The following KDM4C variants were observed in gnomAD, a reference collection of about 807,000 sequenced individuals.
The protein encoded by KDM4C is lysine demethylase 4C, also known as lysine-specific demethylase 4C.
In KDM4C, 81 loss-of-function variants were observed where a neutral mutation model predicts 129.3. The ratio of observed to expected loss-of-function variants is 0.63; its 90% CI spans 0.52 to 0.75. KDM4C has a LOEUF of 0.75. Among genes scored for constraint, KDM4C ranks in the 30% least tolerant of loss-of-function variants. The probability of loss-of-function intolerance (pLI) is 0.00; values close to 1 mark genes in which losing one functional copy is unlikely to be tolerated. For missense variants in KDM4C, 1,457 were observed against 1,304.0 expected (o/e 1.12, Z -1.81); for synonymous variants, 573 against 456.1 (o/e 1.26, Z -3.26).
intron 8 of KDM4C, among the ~76,000 whole-genome samples, chr9:6,942,910 C>A (rs35433789): frequency 0.3 from 46,056 of 152,024 alleles, 7,989 homozygotes; most frequent in East Asian, 0.57. Context: ...TCTGTCACCT[C>A]GGCTGAGTGC....
At position 7,011,780 on chromosome 9, in the gene KDM4C, G is replaced by A. The variant is rs373439974; in HGVS notation, c.1869G>A (p.Thr623=). 1.9e-5 allele frequency: 31 copies of A among 1,614,082 alleles called. No homozygotes were observed. Among genetic ancestry groups the A allele is most frequent in the Non-Finnish European group, 2.6e-5 (31 of 1,179,988 alleles). The change falls in exon 13 of 22, where the codon ACG becomes ACA. Residue 623 remains threonine, a synonymous_variant. Coordinates refer to ENST00000381309, the MANE Select transcript of KDM4C (RefSeq NM_015061.6). The stretch of plus-strand genomic sequence containing the variant: ...AACCTCTCATCCACCTTTGGCAGAC[G>A]AAGTCCCCTAACTTCGCAGCTGAGC... ...WAKPLIHLWQ[T]KSPNFAAEQE... is the part of the protein sequence containing the mutation.
At chr9:6,775,994 CT>C (rs1288254836) in intron 1 of KDM4C, among the ~76,000 whole-genome samples, 1 of 152,302 alleles carries the variant, frequency 6.6e-6, no homozygotes, top group African/African-American at 2.4e-5. Flanking sequence ...AAAATCACCC[CT>C]GGTTGAGAAC....
intron 15 of KDM4C, among the ~76,000 whole-genome samples, chr9:7,033,632 C>G (rs1003618712): frequency 3.3e-5 from 5 of 152,134 alleles, no homozygotes; most frequent in Admixed American, 2.0e-4. Flanking sequence ...CTGTTCTTTC[C>G]TCTTTCTTTT....
chr9:6,940,038 CT>C (rs1563850301), intron 8 of KDM4C, among the ~76,000 whole-genome samples: 8 of 137,426 alleles, frequency 5.8e-5, no homozygotes, highest in African/African-American at 2.2e-4. Flanking sequence ...TCCTTCTTTC[CT>C]TCCTTCCCTC....
upstream of KDM4C, among the ~76,000 whole-genome samples, chr9:6,756,792 G>C (rs574395554): frequency 6.6e-6 from 1 of 152,176 alleles, no homozygotes; most frequent in African/African-American, 2.4e-5. Flanking sequence ...CAATAATCCC[G>C]TTAGCCTTAG....
chr9:6,983,984 A>G (rs1167704889), intron 9 of KDM4C, among the ~76,000 whole-genome samples, 182 bp from the exon 10 acceptor site: 1 of 152,220 alleles, frequency 6.6e-6, no homozygotes, highest in African/African-American at 2.4e-5. Flanking sequence ...TTGATAAGAA[A>G]ATTGTGTTTA....
At chr9:6,815,618 C>A (rs1346729939) in intron 4 of KDM4C, among the ~76,000 whole-genome samples, 1 of 152,190 alleles carries the variant, frequency 6.6e-6, no homozygotes, top group African/African-American at 2.4e-5. Flanking sequence ...GTTAAGCATC[C>A]TTCATCCAGA....
intron 8 of KDM4C, among the ~76,000 whole-genome samples, chr9:6,940,726 C>T (rs1468366807): frequency 2.6e-5 from 4 of 152,164 alleles, no homozygotes; most frequent in Non-Finnish European, 4.4e-5. Flanking sequence ...TTTTACAGCA[C>T]GTAAGTATCC....
At chr9:6,745,138 T>G (rs1817833492) in intron 1 of KDM4C, among the ~76,000 whole-genome samples, 1 of 152,154 alleles carries the variant, frequency 6.6e-6, no homozygotes, top group Admixed American at 6.6e-5. Context: ...GGAGAGGCCT[T>G]AAAGTCAAAG....
chr9:7,161,333 GCAC>G (rs1402439805), intron 19 of KDM4C, among the ~76,000 whole-genome samples: 1 of 152,138 alleles, frequency 6.6e-6, no homozygotes, highest in Non-Finnish European at 1.5e-5. Flanking sequence ...TCTGTGGGCT[GCAC>G]CCACTGTCCA....
At chr9:6,986,923 CTCTT>C (rs1392217753) in intron 11 of KDM4C, 5 of 413,052 alleles carry the variant, frequency 1.2e-5, no homozygotes, top group Non-Finnish European at 2.2e-5. Context: ...AAAAATTAAA[CTCTT>C]TACTTTGAGG....
intron 8 of KDM4C, among the ~76,000 whole-genome samples, chr9:6,934,630 A>C (rs1303813619): frequency 6.6e-6 from 1 of 151,600 alleles, no homozygotes; most frequent in Non-Finnish European, 1.5e-5. Flanking sequence ...TGCCTAGCTA[A>C]TTTTTGTATT....
intron 12 of KDM4C, among the ~76,000 whole-genome samples, chr9:6,997,173 T>C (rs892875425): frequency 6.6e-6 from 1 of 151,938 alleles, no homozygotes; most frequent in Non-Finnish European, 1.5e-5. Flanking sequence ...GACTGTTTGT[T>C]GTTGCTGTTG....
intron 1 of KDM4C, among the ~76,000 whole-genome samples, chr9:6,782,056 C>G (rs143806304): frequency 0.01 from 1,564 of 152,176 alleles, 35 homozygotes; most frequent in African/African-American, 0.036. Context: ...AACTCCTGAC[C>G]TCAGGTGATC....
intron 19 of KDM4C, among the ~76,000 whole-genome samples, chr9:7,141,655 C>T (rs1278342400): frequency 6.6e-6 from 1 of 152,178 alleles, no homozygotes; most frequent in African/African-American, 2.4e-5. Flanking sequence ...CCCAGACTTC[C>T]AGGCCCAGGA....
chr9:6,748,165 CA>C (rs71315558), intron 1 of KDM4C, among the ~76,000 whole-genome samples: 24 of 97,524 alleles, frequency 2.5e-4, no homozygotes, highest in South Asian at 1.5e-3. Context: ...GACTTGGTCT[CA>C]AAAAAAAAAC....
intron 1 of KDM4C, among the ~76,000 whole-genome samples, chr9:6,781,115 TGTA>T (rs1824248440): frequency 6.6e-6 from 1 of 152,176 alleles, no homozygotes; most frequent in Non-Finnish European, 1.5e-5. Flanking sequence ...GCTAGTCAAT[TGTA>T]GTCTGTAGGA....
At chr9:6,797,830 G>T (rs1828038050) in intron 2 of KDM4C, among the ~76,000 whole-genome samples, 1 of 152,232 alleles carries the variant, frequency 6.6e-6, no homozygotes, top group African/African-American at 2.4e-5. Context: ...CATTTTAGCA[G>T]AAAGTTTCCC....
intron 8 of KDM4C, among the ~76,000 whole-genome samples, chr9:6,922,568 G>A (rs1319274491): frequency 6.6e-6 from 1 of 152,184 alleles, no homozygotes. Flanking sequence ...GCAACACAGG[G>A]AGAGCCCATC....
Sources: gnomAD v4.1 joint callset for allele counts (sites outside exome capture counted in the v4.1 genomes callset) on GRCh38, gnomAD v4.1.1 for gene constraint, MANE v1.5 for transcripts, NCBI Gene and HGNC (gene_info 2026-07-23, HGNC 2026-07-21) for gene names.